SSBP3: variants seen among roughly 807,000 people sequenced by gnomAD.
SSBP3 encodes the protein single-stranded DNA-binding protein 3.
A neutral mutation model predicts 69.6 loss-of-function variants in SSBP3; 5 were observed. That is an observed-to-expected ratio of 0.07 (90% confidence interval 0.04 to 0.15). SSBP3 has a LOEUF of 0.15. Ranked by LOEUF, SSBP3 falls within the 10% of genes least tolerant of loss-of-function variation. SSBP3 has a pLI of 1.00. For missense variants in SSBP3, 312 were observed against 534.0 expected, an observed-to-expected ratio of 0.58 and a Z score of 4.10; for synonymous variants, 196 against 193.4, an observed-to-expected ratio of 1.01 and a Z score of -0.11.
intron 5 of SSBP3, among the ~76,000 whole-genome samples, chr1:54,260,676 A>C (rs926980635): frequency 6.6e-6 from 1 of 152,198 alleles, no homozygotes; most frequent in African/African-American, 2.4e-5. Context: ...CTCAAGAAAA[A>C]AAGCTGACAA....
chr1:54,400,607 G>A (rs1557594752), intron 4 of SSBP3, among the ~76,000 whole-genome samples: 1 of 152,208 alleles, frequency 6.6e-6, no homozygotes, highest in South Asian at 2.1e-4. Flanking sequence ...CAGCCCTGAA[G>A]AGGGAACAAG....
chr1:54,333,278 C>G (rs1646452499), intron 4 of SSBP3, among the ~76,000 whole-genome samples: 1 of 152,160 alleles, frequency 6.6e-6, no homozygotes, highest in Non-Finnish European at 1.5e-5. Context: ...CTGCATCCTC[C>G]CGCCTCCTCT....
chr1:54,347,987 ACT>A (rs1485598899), intron 4 of SSBP3, among the ~76,000 whole-genome samples: 2 of 151,860 alleles, frequency 1.3e-5, no homozygotes, highest in Non-Finnish European at 2.9e-5. Flanking sequence ...GGCTCTCAAC[ACT>A]CTCAGCCACC....
intron 4 of SSBP3, among the ~76,000 whole-genome samples, chr1:54,287,880 T>G (rs956837481): frequency 1.3e-5 from 2 of 152,062 alleles, no homozygotes; most frequent in South Asian, 2.1e-4. Context: ...TTGTGCAGTT[T>G]AGAGAAAACA....
At chr1:54,334,618 TAGG>T (rs547784453) in intron 4 of SSBP3, among the ~76,000 whole-genome samples, 14 of 152,198 alleles carry the variant, frequency 9.2e-5, no homozygotes, top group Non-Finnish European at 1.3e-4. Flanking sequence ...TCTTCCAAAA[TAGG>T]AGGATCATAT....
chr1:54,246,256 A>C (rs906855366), intron 9 of SSBP3, among the ~76,000 whole-genome samples: 1 of 152,204 alleles, frequency 6.6e-6, no homozygotes, highest in Non-Finnish European at 1.5e-5. Context: ...AGCATTGCAG[A>C]AGCTTGGGTC....
intron 4 of SSBP3, among the ~76,000 whole-genome samples, chr1:54,360,497 T>TC (rs1646933807): frequency 6.6e-6 from 1 of 151,982 alleles, no homozygotes; most frequent in African/African-American, 2.4e-5. Context: ...GGCTCAGGGG[T>TC]CCCCAGCCAG....
chr1:54,404,815 G>A (rs1649583988), intron 2 of SSBP3, 43 bp downstream of exon 2: 2 of 1,060,370 alleles, frequency 1.9e-6, no homozygotes, highest in Middle Eastern at 2.2e-4. Flanking sequence ...TAGTGGGGGG[G>A]GGGGGTGTCA....
chr1:54,257,777 A>G (rs1444134363), intron 6 of SSBP3, among the ~76,000 whole-genome samples: 1 of 152,220 alleles, frequency 6.6e-6, no homozygotes, highest in Non-Finnish European at 1.5e-5. Context: ...TGGTGAACCA[A>G]ACTCAAAACC....
chr1:54,330,215 C>T (rs546119696), intron 4 of SSBP3, among the ~76,000 whole-genome samples: 29 of 152,194 alleles, frequency 1.9e-4, no homozygotes, highest in Middle Eastern at 3.4e-3. Flanking sequence ...CTGAAAAAAA[C>T]GCAAACATCA....
chr1:54,317,137 T>C lies in SSBP3; in HGVS notation c.277-35610A>G, dbSNP rs566633206. Among the ~76,000 whole-genome samples, 33 of 152,266 alleles carry C rather than the reference T, an allele frequency of 2.2e-4. No individual in the cohort carries two copies. In the South Asian group the frequency reaches 5.2e-3, roughly 24 times the overall value. ...ATGTTCACTGCAGTGTTATGTACAA[T>C]GGCAGGGTGGAGAGATGGAGGACAG... On this transcript the variant is annotated intron_variant, in intron 4 of 17. Coordinates refer to ENST00000610401, the Ensembl canonical transcript of SSBP3.
At chr1:54,320,927 G>T (rs1202727041) in intron 4 of SSBP3, among the ~76,000 whole-genome samples, 1 of 152,206 alleles carries the variant, frequency 6.6e-6, no homozygotes, top group African/African-American at 2.4e-5. Flanking sequence ...AGTTTATTCC[G>T]CTCTGGGAGG....
intron 4 of SSBP3, among the ~76,000 whole-genome samples, chr1:54,380,187 C>T (rs1053500816): frequency 1.3e-5 from 2 of 152,196 alleles, no homozygotes; most frequent in Admixed American, 6.5e-5. Flanking sequence ...CATGGGCAGA[C>T]CCTCCCCGCA....
intron 14 of SSBP3, chr1:54,238,214 C>A (rs192204529): frequency 6.4e-6 from 3 of 470,960 alleles, no homozygotes; most frequent in South Asian, 4.6e-5. Context: ...GGGTTTAACA[C>A]GTGGGGTGAT....
chr1:54,337,436 T>C (rs1646526634), intron 4 of SSBP3, among the ~76,000 whole-genome samples: 1 of 148,954 alleles, frequency 6.7e-6, no homozygotes, highest in Admixed American at 6.7e-5. Flanking sequence ...AGTCTCTGAC[T>C]TCAAGCAGCA....
At chr1:54,311,642 T>C (rs902185409) in intron 4 of SSBP3, among the ~76,000 whole-genome samples, 1 of 152,048 alleles carries the variant, frequency 6.6e-6, no homozygotes, top group South Asian at 2.1e-4. Flanking sequence ...ATCACCACCG[T>C]CACTCGGAGG....
chr1:54,405,908 GCA>G (rs2100837133), intron 1 of SSBP3, 43 bp downstream of exon 1: 3 of 624,690 alleles, frequency 4.8e-6, no homozygotes, highest in Admixed American at 4.3e-5. Flanking sequence ...CCGCCCGCCC[GCA>G]GCCCGGCGGC....
chr1:54,242,919 C>T lies in SSBP3; in HGVS notation c.716+316G>A, dbSNP rs114332583. ...AAGCCAAGATTGTGCCACTGTACTCCAGCCTGGACAACAGAATGTGACTCT... is the reference window on the plus strand; with the variant it reads ...AAGCCAAGATTGTGCCACTGTACTCTAGCCTGGACAACAGAATGTGACTCT... On this transcript the variant is annotated intron_variant, in intron 10 of 17. Coordinates refer to ENST00000610401, the Ensembl canonical transcript of SSBP3. 3.6e-3 allele frequency: 934 copies of T among 262,082 alleles called. 6 individuals are homozygous for T. The highest frequency in any genetic ancestry group is 0.019 in the African/African-American group (874 of 45,434). The allele number at this position is 262,082 out of a possible 1,614,324, so 16.2% of individuals were successfully genotyped here.
chr1:54,240,047 G>GTGTGTGTGT (rs1553123140), intron 13 of SSBP3, among the ~76,000 whole-genome samples: 16 of 77,790 alleles, frequency 2.1e-4, no homozygotes, highest in African/African-American at 7.5e-4. Context: ...ATTGTGATGG[G>GTGTGTGTGT]GTGTGTGTGT....
Sources: gnomAD v4.1 joint callset for allele counts (sites outside exome capture counted in the v4.1 genomes callset) on GRCh38, gnomAD v4.1.1 for gene constraint, MANE v1.5 for transcripts, NCBI Gene and HGNC (gene_info 2026-07-23, HGNC 2026-07-21) for gene names.